ITPR2: variants seen among roughly 807,000 people sequenced by gnomAD.
ITPR2 encodes inositol 1,4,5-trisphosphate-gated calcium channel ITPR2.
Under a neutral mutation model 317.1 loss-of-function variants are expected in ITPR2, and 207 were observed. The ratio of observed to expected loss-of-function variants is 0.65; its 90% CI spans 0.58 to 0.73. ITPR2 has a LOEUF of 0.73. Among genes scored for constraint, ITPR2 ranks in the 30% least tolerant of loss-of-function variants. The pLI, the probability that ITPR2 is intolerant of heterozygous loss-of-function variation, is 0.00. For missense variants in ITPR2, 2,613 were observed against 3,284.0 expected (o/e 0.80, Z 4.99); for synonymous variants, 1,156 against 1,149.1 (o/e 1.01, Z -0.12).
At chr12:26,406,828 A>C (rs961819727) in intron 52 of ITPR2, among the ~76,000 whole-genome samples, 2 of 152,250 alleles carry the variant, frequency 1.3e-5, no homozygotes, top group African/African-American at 4.8e-5. Context: ...CTAGCAGATC[A>C]AATCCATAAC....
intron 37 of ITPR2, among the ~76,000 whole-genome samples, chr12:26,538,851 A>C (rs778126652): frequency 5.9e-5 from 9 of 152,316 alleles, no homozygotes; most frequent in Non-Finnish European, 1.2e-4. Context: ...CTAGGATTAC[A>C]GGCGTGAGCC....
At chr12:26,508,629 C>A (rs1239746390) in intron 37 of ITPR2, among the ~76,000 whole-genome samples, 2 of 152,028 alleles carry the variant, frequency 1.3e-5, no homozygotes, top group Non-Finnish European at 2.9e-5. Context: ...AATTTATGAA[C>A]CATGGACAAT....
At position 26,659,314 on chromosome 12, in the gene ITPR2, AC is replaced by A; in HGVS notation, c.1714-30del. On this transcript the variant is annotated intron_variant, in intron 15 of 56. Transcript: ENST00000381340. ...CAAAGAAGAAAGGCTGTCAGAATGCACTGCCAAACAGCTTACAAATAACAGG... is the reference window on the plus strand; with the variant it reads ...CAAAGAAGAAAGGCTGTCAGAATGCATGCCAAACAGCTTACAAATAACAGG... 2.5e-6 allele frequency: 4 copies of A among 1,585,598 alleles called. No individual in the cohort carries two copies. The South Asian group carries it at 4.5e-5, about 18-fold the overall frequency.
At chr12:26,652,813 GT>G (rs1947286563) in intron 21 of ITPR2, among the ~76,000 whole-genome samples, 1 of 152,192 alleles carries the variant, frequency 6.6e-6, no homozygotes, top group African/African-American at 2.4e-5. Flanking sequence ...TGCCTGCACA[GT>G]CCTACCTTCC....
At position 26,400,220 on chromosome 12, in the gene ITPR2, C is replaced by T; in HGVS notation, c.7438G>A (p.Asp2480Asn). ...GTGACAATGCACATAAGGAGAGTGT[C>T]ACACGTCCTTTCAATTCCATCTTCA... ...EYEDGIERTCDTLLMCIVTVL... is the reference protein window; with the variant it reads ...EYEDGIERTCNTLLMCIVTVL... The change falls in exon 53 of 57, where the codon GAC becomes AAC. Residue 2480 changes from aspartate (D) to asparagine (N), a missense_variant. Coordinates refer to ENST00000381340, the MANE Select transcript of ITPR2 (RefSeq NM_002223.4). 1.3e-6 allele frequency: 2 copies of T among 1,595,862 alleles called. No individual in the cohort carries two copies. The highest frequency in any genetic ancestry group is 1.7e-6 in the Non-Finnish European group (2 of 1,168,630).
In ITPR2 at chr12:26,337,376, A is replaced by G. The variant is rs1052431749; in HGVS notation, c.*2021T>C. The G allele has an allele frequency of 2.0e-5, 3 of 152,190 alleles. No individual in the cohort carries two copies. Among genetic ancestry groups the G allele is most frequent in the African/African-American group, 7.2e-5 (3 of 41,446 alleles). 9.4% of individuals were successfully genotyped at this position (152,190 alleles called of 1,614,324 possible). On this transcript the variant is annotated 3_prime_UTR_variant, in exon 57 of 57. Coordinates refer to ENST00000381340, the MANE Select transcript of ITPR2 (RefSeq NM_002223.4). ...AACAGAGATAGGTTCCTATATTGGAATATGTTCAATATTTACTACCTTTCT... is the reference window on the plus strand; with the variant it reads ...AACAGAGATAGGTTCCTATATTGGAGTATGTTCAATATTTACTACCTTTCT...
At chr12:26,561,586 C>T (rs1277058795) in intron 35 of ITPR2, among the ~76,000 whole-genome samples, 176 bp downstream of exon 35, 1 of 152,122 alleles carries the variant, frequency 6.6e-6, no homozygotes, top group Non-Finnish European at 1.5e-5. Context: ...TAAAAAATAA[C>T]TCACGACATA....
intron 45 of ITPR2, among the ~76,000 whole-genome samples, chr12:26,474,208 A>G (rs192076551): frequency 1.1e-3 from 171 of 152,360 alleles, no homozygotes; most frequent in African/African-American, 4.0e-3. Context: ...TGTTTATTCA[A>G]TCAACTGATA....
chr12:26,701,504 A>G (rs532930419), intron 9 of ITPR2, among the ~76,000 whole-genome samples: 46 of 152,330 alleles, frequency 3.0e-4, no homozygotes, highest in African/African-American at 1.1e-3. Flanking sequence ...TACTGGGTGT[A>G]TATGTGTGTC....
intron 13 of ITPR2, among the ~76,000 whole-genome samples, chr12:26,672,208 C>T (rs1947792511): frequency 6.6e-6 from 1 of 151,760 alleles, no homozygotes; most frequent in African/African-American, 2.4e-5. Flanking sequence ...ACCTAATAGA[C>T]ATCTACAGAA....
intron 37 of ITPR2, among the ~76,000 whole-genome samples, chr12:26,525,218 T>A (rs2136947853): frequency 6.6e-6 from 1 of 152,190 alleles, no homozygotes; most frequent in East Asian, 1.9e-4. Flanking sequence ...AAAGTAGAGC[T>A]ACTCTAATAT....
intron 9 of ITPR2, among the ~76,000 whole-genome samples, chr12:26,704,340 C>A (rs890433462): frequency 2.0e-5 from 3 of 152,106 alleles, no homozygotes; most frequent in Non-Finnish European, 4.4e-5. Context: ...CATACTTTGC[C>A]CAGTTGATTA....
chr12:26,782,460 T>C (rs1432863693), intron 2 of ITPR2, among the ~76,000 whole-genome samples: 1 of 151,896 alleles, frequency 6.6e-6, no homozygotes, highest in Non-Finnish European at 1.5e-5. Flanking sequence ...AACAAATAGT[T>C]AAAGGGCTAT....
chr12:26,595,488 T>C lies in ITPR2; in HGVS notation c.4357A>G (p.Asn1453Asp), dbSNP rs372059465. The C allele has an allele frequency of 6.2e-7, 1 of 1,608,746 alleles. No homozygotes were observed. The highest frequency in any genetic ancestry group is 8.5e-7 in the Non-Finnish European group (1 of 1,178,606). ...TSNHIWKLFE[N>D]FLVDMARVCN... is the part of the protein sequence containing the mutation. ...ACCCTTGCCATATCCACCAAGAAGT[T>C]CTCAAATAATTTCCAAATGTGGTTA... Residue 1453 changes from asparagine (N) to aspartate (D), a missense_variant, in exon 32 of 57, where the codon AAC (asparagine) becomes GAC (aspartate). Coordinates refer to ENST00000381340, the MANE Select transcript of ITPR2 (RefSeq NM_002223.4).
rs1381620922 is a variant in ITPR2 at position 26,443,552 on chromosome 12, T to C, written c.6441A>G (p.Ala2147=). The change falls in exon 46 of 57, where the codon GCA becomes GCG. Residue 2147 remains alanine (A), a synonymous_variant. Coordinates refer to ENST00000381340, the MANE Select transcript of ITPR2 (RefSeq NM_002223.4). ...AATAATAGATGGTTACCTCAATCTG[T>C]GCAGTGTGGTTGGCATAATACTTTA... is the stretch of plus-strand genomic sequence containing the variant. ...EALKYYANHT[A]QIEIVRHDRT... is the part of the protein sequence containing the mutation. 6.2e-6 allele frequency: 10 copies of C among 1,609,982 alleles called. No homozygotes were observed. The highest frequency in any genetic ancestry group is 7.6e-6 in the Non-Finnish European group (9 of 1,176,494).
At chr12:26,742,506 T>G (rs1949248476) in intron 2 of ITPR2, among the ~76,000 whole-genome samples, 1 of 152,186 alleles carries the variant, frequency 6.6e-6, no homozygotes, top group African/African-American at 2.4e-5. Flanking sequence ...TCTTGGAATA[T>G]TATCCAGCCT....
At position 26,741,133 on chromosome 12, in the gene ITPR2, T is replaced by G. The variant is rs183979502; in HGVS notation, c.164-15368A>C. Among the ~76,000 whole-genome samples the G allele has an allele frequency of 2.2e-3, 329 of 152,350 alleles. 1 individual carries two copies. The highest frequency in any genetic ancestry group is 7.7e-3 in the African/African-American group (320 of 41,596). On this transcript the variant is annotated intron_variant, in intron 2 of 56. Coordinates refer to ENST00000381340, the MANE Select transcript of ITPR2 (RefSeq NM_002223.4). ...CCATTAAACATGTGAGACAGGAAAC[T>G]CAGGCTGAGGAGAGGAGGCTCCCAT...
intron 18 of ITPR2, 94 bp downstream of exon 18, chr12:26,657,613 T>G: frequency 2.0e-6 from 2 of 1,004,806 alleles, no homozygotes; most frequent in Non-Finnish European, 3.0e-6. Context: ...TAAAATTGCC[T>G]CTTCATAGAT....
At chr12:26,425,546 T>C (rs1941032014) in intron 49 of ITPR2, among the ~76,000 whole-genome samples, 1 of 151,804 alleles carries the variant, frequency 6.6e-6, no homozygotes, top group Non-Finnish European at 1.5e-5. Flanking sequence ...CACGCGCCCA[T>C]AGCCCCAGCT....
Sources: allele counts gnomAD v4.1 joint callset (sites outside exome capture counted in the v4.1 genomes callset), GRCh38; gene constraint gnomAD v4.1.1; transcripts MANE v1.5; gene names NCBI Gene and HGNC (gene_info 2026-07-23, HGNC 2026-07-21).